The following KRT77 variants were observed in gnomAD, a reference collection of about 807,000 sequenced individuals.
The protein encoded by KRT77 is keratin 77, also known as keratin, type II cytoskeletal 1b.
In KRT77, 44 loss-of-function variants were observed where a neutral mutation model predicts 51.5. The ratio of observed to expected loss-of-function variants is 0.85; its 90% CI spans 0.67 to 1.10. The LOEUF is 1.10. Ranked by LOEUF, KRT77 falls within the 50% of genes least tolerant of loss-of-function variation. The pLI is 0.00. For synonymous variants in KRT77, 293 were observed against 302.0 expected, an observed-to-expected ratio of 0.97 and a Z score of 0.31; for missense variants, 763 against 743.9, an observed-to-expected ratio of 1.03 and a Z score of -0.30.
rs773837165 is a variant in KRT77 at position 52,691,165 on chromosome 12, C to G, written c.1737G>C (p.Ter579TyrextTer26). Reference sequence around the variant, plus strand: ...GTGATGTGTGGCAGAAACGAGGCCTCTACTCCAAGATCCGCCTGTGGGAGG... The same window carrying G: ...GTGATGTGTGGCAGAAACGAGGCCTGTACTCCAAGATCCGCCTGTGGGAGG... ...TNTSHRRILE[*>Y] The change falls in exon 9 of 9, where the codon TAG becomes TAC. Residue 579 changes from the stop codon to tyrosine (Y), a stop_lost. Transcript: ENST00000341809. 1.2e-6 allele frequency: 2 copies of G among 1,613,936 alleles called. No homozygotes were observed. The highest frequency in any genetic ancestry group is 2.7e-5 in the African/African-American group (2 of 74,908).
In KRT77 at chr12:52,695,847, C is replaced by T. The variant is rs1162253436; in HGVS notation, c.840G>A (p.Val280=). 4.3e-6 allele frequency: 7 copies of T among 1,612,998 alleles called. No individual in the cohort carries two copies. The South Asian group carries it at 7.7e-5, about 18-fold the overall frequency. Residue 280 remains valine (V), a synonymous_variant, in exon 4 of 9, where the codon GTG becomes GTA. Coordinates refer to ENST00000341809, the MANE Select transcript of KRT77 (RefSeq NM_175078.3). ...VLKKDVDAAY[V]SKVDLESRVD... is the part of the protein sequence containing the mutation. ...CCCTGGACTCCAGGTCCACTTTGCTCACATAAGCAGCATCCACATCCTGAA... is the reference window on the plus strand; with the variant it reads ...CCCTGGACTCCAGGTCCACTTTGCTTACATAAGCAGCATCCACATCCTGAA...
At chr12:52,700,695 G>A (rs1043778013) in intron 1 of KRT77, among the ~76,000 whole-genome samples, 13 of 152,188 alleles carry the variant, frequency 8.5e-5, no homozygotes, top group Admixed American at 6.5e-4. Context: ...TGAGGGCAAC[G>A]TGGCCTGATT....
In KRT77 at chr12:52,703,077, T is replaced by C; in HGVS notation, c.358A>G (p.Ser120Gly). The C allele has an allele frequency of 6.2e-7, 1 of 1,613,340 alleles. No individual in the cohort carries two copies. Among genetic ancestry groups the C allele is most frequent in the Non-Finnish European group, 8.5e-7 (1 of 1,179,872 alleles). The change falls in exon 1 of 9, where the codon AGC becomes GGC. Residue 120 changes from serine (S) to glycine (G), a missense_variant. By Grantham distance (56) the Ser-to-Gly change is moderately conservative. Transcript: ENST00000341809. ...CCAAAGCCCCCAAGCCCAAAATTGC[T>C]AGTCCCAAATCCAGCACCCCCAAAA... is the stretch of plus-strand genomic sequence containing the variant. The part of the protein sequence containing the change: ...GGFGGAGFGT[S>G]NFGLGGFGPY...
intron 1 of KRT77, 46 bp downstream of exon 1, chr12:52,702,846 C>T: frequency 6.3e-7 from 1 of 1,587,592 alleles, no homozygotes; most frequent in Non-Finnish European, 8.6e-7. Flanking sequence ...CTCTCTCAGT[C>T]ATTTGGTCAG....
chr12:52,694,829 C>T (rs1420730678), intron 4 of KRT77, 39 bp from the exon 5 acceptor site: 1 of 1,495,270 alleles, frequency 6.7e-7, no homozygotes, highest in African/African-American at 1.4e-5. Context: ...CTTCCATTCT[C>T]CTCTGGGGGC....
intron 4 of KRT77, chr12:52,695,006 A>T: frequency 2.9e-6 from 1 of 346,238 alleles, no homozygotes; most frequent in Non-Finnish European, 5.2e-6. Flanking sequence ...GAGCGTTCAG[A>T]TACCATCTCC....
chr12:52,692,813 G>A lies in KRT77; in HGVS notation c.1148C>T (p.Ala383Val). 1 of 1,604,052 alleles carries A rather than the reference G, an allele frequency of 6.2e-7. No homozygotes were observed. The highest frequency in any genetic ancestry group is 8.5e-7 in the Non-Finnish European group (1 of 1,171,536). The change falls in exon 6 of 9, where the codon GCA becomes GTA. Residue 383 changes from alanine to valine, a missense_variant. By Grantham distance (64) the Ala-to-Val change is moderately conservative (BLOSUM62 0). Coordinates refer to ENST00000341809, the MANE Select transcript of KRT77 (RefSeq NM_175078.3). ...CCTCTGGACGGTGCGGTTGAGCTCT[G>A]CAATCTCCATCTTGCTGTTCTTCAG... Reference protein sequence around the residue: ...DDLKNSKMEIAELNRTVQRLQ... With the variant: ...DDLKNSKMEIVELNRTVQRLQ...
rs1338213138 is a variant in KRT77, at chr12:52,703,256, C to A, written c.179G>T (p.Ser60Ile). Residue 60 changes from serine to isoleucine, a missense_variant, in exon 1 of 9, where the codon AGC (serine) becomes ATC (isoleucine). Coordinates refer to ENST00000341809, the MANE Select transcript of KRT77 (RefSeq NM_175078.3). ...TCTACTGCCACCCAGATTGTAGAGG[C>A]TCCTAGAGCCAAACCCCCTTCCATG... ...GIHGRGFGSR[S>I]LYNLGGSRSI... 1 of 1,613,844 alleles carries A rather than the reference C, an allele frequency of 6.2e-7. No homozygotes were observed. The highest frequency in any genetic ancestry group is 8.5e-7 in the Non-Finnish European group (1 of 1,179,994).
Position 52,703,410 on chromosome 12 carries a change from A to T in KRT77, c.25T>A (p.Ser9Thr), listed in dbSNP as rs1941916616. Residue 9 changes from serine (S) to threonine (T), a missense_variant, in exon 1 of 9, where the codon TCC (serine) becomes ACC (threonine). Physicochemically the swap from Ser to Thr is moderately conservative, Grantham distance 58. Transcript: ENST00000341809. MSHQFSSQ[S>T]AFSSMSRRVY... is the part of the protein sequence containing the mutation. Reference sequence around the variant, plus strand: ...CGCCTGCTCATTGAACTAAACGCGGACTGAGAACTAAATTGGTGGCTCATG... The same window carrying T: ...CGCCTGCTCATTGAACTAAACGCGGTCTGAGAACTAAATTGGTGGCTCATG... 1.3e-6 allele frequency: 2 copies of T among 1,595,646 alleles called. No individual in the cohort carries two copies.
chr12:52,702,807 C>T (rs771311854), intron 1 of KRT77, 85 bp downstream of exon 1: 22 of 1,379,220 alleles, frequency 1.6e-5, no homozygotes, highest in African/African-American at 5.8e-5. Flanking sequence ...TGAAACAGCA[C>T]GATGTGGTGA....
chr12:52,699,159 G>A (rs1219414043), intron 1 of KRT77, among the ~76,000 whole-genome samples: 1 of 152,218 alleles, frequency 6.6e-6, no homozygotes, highest in Non-Finnish European at 1.5e-5. Context: ...AGAAATTCCT[G>A]CCACTCTCTA....
intron 1 of KRT77, among the ~76,000 whole-genome samples, chr12:52,699,903 G>A (rs144202901): frequency 2.0e-3 from 305 of 152,310 alleles, no homozygotes; most frequent in Non-Finnish European, 3.8e-3. Flanking sequence ...GCCCAACACG[G>A]AGAAGACAAA....
chr12:52,695,689 G>A, intron 4 of KRT77, 83 bp downstream of exon 4: 1 of 961,034 alleles, frequency 1.0e-6, no homozygotes, highest in Non-Finnish European at 1.6e-6. Context: ...CCTAGTGTTG[G>A]GTTTCAGGCC....
rs1941679743 is a variant in KRT77 at position 52,689,782 on chromosome 12, T to C, written c.*1383A>G. 1 of 152,192 alleles carries C rather than the reference T, an allele frequency of 6.6e-6. No individual in the cohort carries two copies. Among genetic ancestry groups the C allele is most frequent in the Non-Finnish European group, 1.5e-5 (1 of 68,062 alleles). The allele number at this position is 152,192 out of a possible 1,614,324, so 9.4% of individuals were successfully genotyped here. A position where few individuals can be genotyped will look rare whatever the true frequency, so the allele number is the denominator to read the frequency against. The stretch of plus-strand genomic sequence containing the variant: ...AAGAGAATCATGGACTTGGAAGTTG[T>C]GTTAGGACTCAGCTAGCAAGTGAAG... On this transcript the variant is annotated 3_prime_UTR_variant, in exon 9 of 9. Coordinates refer to ENST00000341809, the MANE Select transcript of KRT77 (RefSeq NM_175078.3).
intron 2 of KRT77, 28 bp downstream of exon 2, chr12:52,697,654 C>G (rs1341190560): frequency 6.3e-7 from 1 of 1,586,744 alleles, no homozygotes; most frequent in African/African-American, 1.4e-5. Flanking sequence ...CATGCTTCTC[C>G]CCTGTTTTGC....
At chr12:52,700,384 C>T (rs1388649829) in intron 1 of KRT77, among the ~76,000 whole-genome samples, 1 of 152,072 alleles carries the variant, frequency 6.6e-6, no homozygotes, top group East Asian at 1.9e-4. Context: ...GGCATAGGAA[C>T]ACTGAAGTGG....
At chr12:52,697,658 G>C (rs758713072) in intron 2 of KRT77, 24 bp downstream of exon 2, 2 of 1,596,910 alleles carry the variant, frequency 1.3e-6, no homozygotes, top group Non-Finnish European at 1.7e-6. Context: ...CTTCTCCCCT[G>C]TTTTGCCCTG....
intron 1 of KRT77, chr12:52,698,199 C>G: frequency 7.8e-7 from 1 of 1,290,068 alleles, no homozygotes; most frequent in Non-Finnish European, 1.0e-6. Flanking sequence ...TTTATCCATG[C>G]CAACGTAAGG....
At chr12:52,697,948 C>G in intron 1 of KRT77, 52 bp from the exon 2 acceptor site, 1 of 1,543,776 alleles carries the variant, frequency 6.5e-7, no homozygotes, top group African/African-American at 1.4e-5. Flanking sequence ...GAGCAGCTCC[C>G]CCATAAGTAG....
Sources: allele counts gnomAD v4.1 joint callset (sites outside exome capture counted in the v4.1 genomes callset), GRCh38; gene constraint gnomAD v4.1.1; transcripts MANE v1.5; gene names NCBI Gene and HGNC (gene_info 2026-07-23, HGNC 2026-07-21).